SLC27A6: variants seen among roughly 807,000 people sequenced by gnomAD.
SLC27A6 encodes the protein long-chain fatty acid transport protein 6.
A neutral mutation model predicts 63.9 loss-of-function variants in SLC27A6; 74 were observed. The ratio of observed to expected loss-of-function variants is 1.16; its 90% CI spans 0.96 to 1.40. The LOEUF (loss-of-function observed/expected upper bound fraction) is 1.40. Ranked by LOEUF, SLC27A6 falls within the 40% of genes most tolerant of loss-of-function variation. The pLI is 0.00. For synonymous variants in SLC27A6, 287 were observed against 260.8 expected (o/e 1.10, Z -0.97); for missense variants, 794 against 732.9 (o/e 1.08, Z -0.96).
chr5:128,974,639 A>G (rs559790891), intron 1 of SLC27A6, among the ~76,000 whole-genome samples: 4 of 152,180 alleles, frequency 2.6e-5, no homozygotes. Context: ...TTAAATCATT[A>G]TACCCCCAGG....
chr5:128,987,772 A>G (rs1458286340), intron 2 of SLC27A6, among the ~76,000 whole-genome samples: 1 of 151,506 alleles, frequency 6.6e-6, no homozygotes, highest in African/African-American at 2.4e-5. Context: ...CAAGAGTTCT[A>G]AAAATGAAAG....
chr5:128,989,618 A>G (rs1023742410), intron 3 of SLC27A6, among the ~76,000 whole-genome samples: 6 of 152,210 alleles, frequency 3.9e-5, no homozygotes, highest in Admixed American at 3.9e-4. Context: ...CCTTACTAAC[A>G]GTTGACCTCA....
intron 6 of SLC27A6, among the ~76,000 whole-genome samples, 195 bp downstream of exon 6, chr5:129,023,905 GT>G (rs1320684074): frequency 1.5e-4 from 23 of 152,142 alleles, no homozygotes; most frequent in African/African-American, 5.5e-4. Context: ...CTTTAAACAG[GT>G]TGCTTATAAT....
At chr5:129,015,154 A>G (rs960872205) in intron 4 of SLC27A6, among the ~76,000 whole-genome samples, 19 of 152,162 alleles carry the variant, frequency 1.2e-4, no homozygotes, top group African/African-American at 4.1e-4. Context: ...CTACACTGAT[A>G]ATATATTTTT....
At position 128,966,586 on chromosome 5, in the gene SLC27A6, C is replaced by G; in HGVS notation, c.449C>G (p.Ala150Gly). 2 of 1,543,454 alleles carry G rather than the reference C, an allele frequency of 1.3e-6. No homozygotes were observed. The highest frequency in any genetic ancestry group is 1.7e-6 in the Non-Finnish European group (2 of 1,152,844). ...RSNSLLNCIRACGPRALVVGA... is the reference protein window; with the variant it reads ...RSNSLLNCIRGCGPRALVVGA... ...AACTCCCTCCTGAATTGCATCCGCG[C>G]CTGTGGGCCCAGAGCCCTAGTGGTG... is the stretch of plus-strand genomic sequence containing the variant. Residue 150 changes from alanine to glycine, a missense_variant, in exon 1 of 10, where the codon GCC becomes GGC. Coordinates refer to ENST00000262462, the MANE Select transcript of SLC27A6 (RefSeq NM_001017372.3).
chr5:128,979,225 G>C (rs1750498919), intron 1 of SLC27A6, among the ~76,000 whole-genome samples: 1 of 132,238 alleles, frequency 7.6e-6, no homozygotes, highest in African/African-American at 2.6e-5. Context: ...AACCCACGTA[G>C]TGTGTTACAC....
intron 4 of SLC27A6, 106 bp from the exon 5 acceptor site, chr5:129,015,779 T>C: frequency 1.9e-5 from 14 of 754,528 alleles, no homozygotes; most frequent in Non-Finnish European, 3.0e-5. Flanking sequence ...TCCCTTCTGT[T>C]ATTGCACATA....
chr5:128,987,148 G>A (rs1750817972), intron 2 of SLC27A6, among the ~76,000 whole-genome samples: 1 of 151,976 alleles, frequency 6.6e-6, no homozygotes, highest in African/African-American at 2.4e-5. Context: ...ATGTATATAT[G>A]TATATAGATA....
intron 4 of SLC27A6, among the ~76,000 whole-genome samples, chr5:129,011,034 T>G (rs1195788817): frequency 6.6e-6 from 1 of 152,176 alleles, no homozygotes; most frequent in Non-Finnish European, 1.5e-5. Context: ...AACACAACAT[T>G]TAAAATATAT....
chr5:128,988,192 A>G (rs1289429796), intron 2 of SLC27A6, among the ~76,000 whole-genome samples: 1 of 152,198 alleles, frequency 6.6e-6, no homozygotes, highest in Non-Finnish European at 1.5e-5. Flanking sequence ...ACAAGCAGCC[A>G]TTCAAGTGTA....
chr5:129,029,411 G>T (rs553899407), intron 8 of SLC27A6, among the ~76,000 whole-genome samples, 166 bp from the exon 9 acceptor site: 2 of 152,032 alleles, frequency 1.3e-5, no homozygotes, highest in Admixed American at 6.6e-5. Flanking sequence ...TTTCTAGGGG[G>T]TAAATCATAT....
chr5:129,005,206 A>G (rs1232812161), intron 4 of SLC27A6, among the ~76,000 whole-genome samples: 1 of 152,158 alleles, frequency 6.6e-6, no homozygotes, highest in Non-Finnish European at 1.5e-5. Context: ...CCCAATGTGT[A>G]TAGGAAGCCA....
At chr5:128,985,581 G>T (rs549953390) in intron 2 of SLC27A6, among the ~76,000 whole-genome samples, 1 of 152,258 alleles carries the variant, frequency 6.6e-6, no homozygotes, top group East Asian at 1.9e-4. Flanking sequence ...CTTAAAGTTT[G>T]GTAGTACAAA....
At chr5:128,993,466 CAT>C (rs2307574) in intron 4 of SLC27A6, among the ~76,000 whole-genome samples, 132,222 of 152,122 alleles carry the variant, frequency 0.87, 58,562 homozygotes, top group Non-Finnish European at 0.95. Flanking sequence ...TAGAAACAAA[CAT>C]ATATTAATGT....
chr5:128,971,887 G>A (rs1750179521), intron 1 of SLC27A6, among the ~76,000 whole-genome samples: 1 of 152,172 alleles, frequency 6.6e-6, no homozygotes, highest in Non-Finnish European at 1.5e-5. Context: ...GCATGTTTTA[G>A]CAGTGGCTGG....
chr5:128,992,804 A>T (rs770307932), intron 4 of SLC27A6, among the ~76,000 whole-genome samples: 16 of 152,302 alleles, frequency 1.1e-4, no homozygotes, highest in South Asian at 8.3e-4. Context: ...CCTTCAGTTG[A>T]GATTTCATGA....
chr5:128,966,123 G>A lies in SLC27A6; in HGVS notation c.-15G>A, dbSNP rs1375504088. ...GGGGCTGAGATCAGAGCTGTCTTCTGGCCCAGTTGCCCCCATGCTTCTGTC... is the reference window on the plus strand; with the variant it reads ...GGGGCTGAGATCAGAGCTGTCTTCTAGCCCAGTTGCCCCCATGCTTCTGTC... On this transcript the variant is annotated 5_prime_UTR_variant, in exon 1 of 10. Coordinates refer to ENST00000262462, the MANE Select transcript of SLC27A6 (RefSeq NM_001017372.3). 1 of 1,533,356 alleles carries A rather than the reference G, an allele frequency of 6.5e-7. No individual in the cohort carries two copies. The highest frequency in any genetic ancestry group is 8.7e-7 in the Non-Finnish European group (1 of 1,144,994). 95.0% of individuals were successfully genotyped at this position (1,533,356 alleles called of 1,614,324 possible).
intron 5 of SLC27A6, among the ~76,000 whole-genome samples, chr5:129,016,796 T>A (rs1751913769): frequency 6.6e-6 from 1 of 152,168 alleles, no homozygotes; most frequent in South Asian, 2.1e-4. Context: ...TACAGGCTTT[T>A]AATAATTTTT....
intron 5 of SLC27A6, among the ~76,000 whole-genome samples, chr5:129,022,225 G>T (rs1752097448): frequency 6.6e-6 from 1 of 152,010 alleles, no homozygotes; most frequent in African/African-American, 2.4e-5. Flanking sequence ...TCTTTCATTG[G>T]CTCTAATCCT....
Sources: allele counts gnomAD v4.1 joint callset (sites outside exome capture counted in the v4.1 genomes callset), GRCh38; gene constraint gnomAD v4.1.1; transcripts MANE v1.5; gene names NCBI Gene and HGNC (gene_info 2026-07-23, HGNC 2026-07-21).